Variants in NALF1 observed in about 807,000 individuals in gnomAD.
NALF1 encodes the protein NALCN channel auxiliary factor 1, also known as family with sequence similarity 155 member A.
NALF1 carries 3 observed loss-of-function variants against 48.4 expected under a neutral mutation model. The observed-to-expected ratio is 0.06, with a 90% CI of 0.03 to 0.16. The LOEUF is 0.16. Among genes scored for constraint, NALF1 ranks in the 10% least tolerant of loss-of-function variants. The pLI is 1.00. For missense variants in NALF1, 526 were observed against 571.5 expected, an observed-to-expected ratio of 0.92 and a Z score of 0.81; for synonymous variants, 262 against 245.7, an observed-to-expected ratio of 1.07 and a Z score of -0.62.
intron 2 of NALF1, among the ~76,000 whole-genome samples, chr13:107,177,866 A>G (rs1250187234): frequency 6.6e-6 from 1 of 152,204 alleles, no homozygotes; most frequent in Non-Finnish European, 1.5e-5. Context: ...CCTGGCCAAC[A>G]TGGTGAAACC....
chr13:107,530,896 G>A (rs2139107338), intron 1 of NALF1, among the ~76,000 whole-genome samples: 1 of 152,212 alleles, frequency 6.6e-6, no homozygotes, highest in Admixed American at 6.6e-5. Context: ...TGCCTGAAAT[G>A]TGAAAAGAAC....
chr13:107,333,759 G>A (rs2181937), intron 1 of NALF1, among the ~76,000 whole-genome samples: 1 of 152,174 alleles, frequency 6.6e-6, no homozygotes, highest in Admixed American at 6.5e-5. Flanking sequence ...AGTGAAAGTC[G>A]AAGTGAAAGC....
chr13:107,291,631 G>T (rs1038545422), intron 1 of NALF1, among the ~76,000 whole-genome samples: 1 of 152,022 alleles, frequency 6.6e-6, no homozygotes, highest in Non-Finnish European at 1.5e-5. Flanking sequence ...TTGGATAAGG[G>T]ATATTCAACC....
chr13:107,427,808 T>G (rs983552795), intron 1 of NALF1, among the ~76,000 whole-genome samples: 1 of 152,164 alleles, frequency 6.6e-6, no homozygotes, highest in Non-Finnish European at 1.5e-5. Flanking sequence ...GCTGAGTGTT[T>G]CCTTCAAGAA....
chr13:107,554,302 G>A (rs946803226), intron 1 of NALF1, among the ~76,000 whole-genome samples: 2 of 152,260 alleles, frequency 1.3e-5, no homozygotes, highest in Admixed American at 6.5e-5. Context: ...CTTCTGTCCC[G>A]TTCCACAGTC....
In NALF1 at chr13:107,849,373, C is replaced by T. The variant is rs1469198112; in HGVS notation, c.915+16309G>A. 6.6e-5 allele frequency among the ~76,000 whole-genome samples: 10 copies of T among 152,302 alleles called. No individual in the cohort carries two copies. The South Asian group carries it at 2.1e-3, about 32-fold the overall frequency. On this transcript the variant is annotated intron_variant, in intron 1 of 2. Coordinates refer to ENST00000375915, the MANE Select transcript of NALF1 (RefSeq NM_001080396.3). ...AGAAAAATATTGATAGTTCTCTCCT[C>T]TAAAGTTTGTAAGACTTTGGGAAGA...
At chr13:107,859,390 G>C (rs971318025) in intron 1 of NALF1, among the ~76,000 whole-genome samples, 1 of 152,118 alleles carries the variant, frequency 6.6e-6, no homozygotes, top group Non-Finnish European at 1.5e-5. Context: ...ATCTGAGATA[G>C]CTTCTATAAA....
chr13:107,814,111 G>A (rs1879090167), intron 1 of NALF1, among the ~76,000 whole-genome samples: 1 of 152,088 alleles, frequency 6.6e-6, no homozygotes, highest in Admixed American at 6.5e-5. Context: ...CTATTTCAGG[G>A]GAATATCTTG....
At chr13:107,220,519 G>A (rs1164058930) in intron 1 of NALF1, among the ~76,000 whole-genome samples, 4 of 152,212 alleles carry the variant, frequency 2.6e-5, no homozygotes, top group Admixed American at 2.6e-4. Flanking sequence ...CAGAGGACTG[G>A]CTGCCTAGGT....
At chr13:107,515,082 C>T (rs1876015586) in intron 1 of NALF1, among the ~76,000 whole-genome samples, 1 of 152,252 alleles carries the variant, frequency 6.6e-6, no homozygotes, top group South Asian at 2.1e-4. Context: ...TATTCACTTA[C>T]AAAATACAAG....
rs560554737 is a variant in NALF1 at position 107,384,134 on chromosome 13, T to C, written c.916-173379A>G. Among the ~76,000 whole-genome samples, 5 of 152,172 alleles carry C rather than the reference T, an allele frequency of 3.3e-5. No individual in the cohort carries two copies. In the South Asian group the frequency reaches 1.0e-3, roughly 32 times the overall value. The stretch of plus-strand genomic sequence containing the variant: ...CAGGCATGGTGGCTCATGCCTGTGG[T>C]CCCAGCTACATGGGAGGCTGATGTG... On this transcript the variant is annotated intron_variant, in intron 1 of 2. Coordinates refer to ENST00000375915, the MANE Select transcript of NALF1 (RefSeq NM_001080396.3).
intron 1 of NALF1, among the ~76,000 whole-genome samples, chr13:107,414,206 A>ATG (rs67758380): frequency 1.3e-5 from 2 of 151,772 alleles, no homozygotes; most frequent in Non-Finnish European, 1.5e-5. Flanking sequence ...TTTGAAAAAC[A>ATG]TATATATATA....
intron 1 of NALF1, among the ~76,000 whole-genome samples, chr13:107,748,623 C>T (rs983131169): frequency 1.3e-5 from 2 of 152,078 alleles, no homozygotes; most frequent in Non-Finnish European, 2.9e-5. Context: ...TAATTAGTAC[C>T]CATTAGTCAA....
intron 1 of NALF1, among the ~76,000 whole-genome samples, chr13:107,502,989 G>A (rs1162828707): frequency 1.3e-5 from 2 of 152,134 alleles, no homozygotes; most frequent in Admixed American, 6.5e-5. Flanking sequence ...CTTCAGCTTT[G>A]AGAGCACTCT....
At chr13:107,733,270 C>G (rs1294926655) in intron 1 of NALF1, among the ~76,000 whole-genome samples, 2 of 152,202 alleles carry the variant, frequency 1.3e-5, no homozygotes, top group African/African-American at 4.8e-5. Flanking sequence ...CCAGCAGTGA[C>G]AGCAGCACAT....
chr13:107,731,763 A>G (rs1280445382), intron 1 of NALF1, among the ~76,000 whole-genome samples: 1 of 152,182 alleles, frequency 6.6e-6, no homozygotes, highest in Non-Finnish European at 1.5e-5. Flanking sequence ...GTAGTATTCC[A>G]TGGTGTATAT....
intron 1 of NALF1, among the ~76,000 whole-genome samples, chr13:107,316,297 T>C (rs1316938211): frequency 9.2e-5 from 14 of 152,326 alleles, no homozygotes; most frequent in African/African-American, 2.2e-4. Flanking sequence ...CAGTCTATCA[T>C]TGATGGACAT....
intron 2 of NALF1, among the ~76,000 whole-genome samples, chr13:107,202,143 A>G (rs1395237206): frequency 6.6e-6 from 1 of 152,134 alleles, no homozygotes; most frequent in African/African-American, 2.4e-5. Flanking sequence ...CATTTATTCC[A>G]TCAGTGCTGC....
chr13:107,425,948 TG>T (rs993916326), intron 1 of NALF1, among the ~76,000 whole-genome samples: 24 of 152,320 alleles, frequency 1.6e-4, no homozygotes, highest in African/African-American at 5.3e-4. Context: ...ACTATGATAT[TG>T]GATATCTCTC....
Sources: gnomAD v4.1 joint callset for allele counts (sites outside exome capture counted in the v4.1 genomes callset) on GRCh38, gnomAD v4.1.1 for gene constraint, MANE v1.5 for transcripts, NCBI Gene and HGNC (gene_info 2026-07-23, HGNC 2026-07-21) for gene names.